Variants in CCR3 observed in about 807,000 individuals in gnomAD.
CCR3 encodes C-C motif chemokine receptor 3, also known as C-C chemokine receptor type 3.
For synonymous variants in CCR3, 203 were observed against 179.2 expected (o/e 1.13, Z -1.06); for missense variants, 419 against 437.5 (o/e 0.96, Z 0.38).
intron 1 of CCR3, among the ~76,000 whole-genome samples, chr3:46,254,320 C>T (rs576241811): frequency 9.0e-4 from 137 of 152,236 alleles, no homozygotes; most frequent in African/African-American, 3.0e-3. Context: ...AAAATAAAAT[C>T]AGATCAAAAT....
chr3:46,240,102 C>A (rs895372089), upstream of CCR3, among the ~76,000 whole-genome samples: 2 of 152,136 alleles, frequency 1.3e-5, no homozygotes, highest in Admixed American at 6.5e-5. Flanking sequence ...GTTGGCATGT[C>A]ATGTGATCTA....
At chr3:46,236,869 C>T (rs1463025483) in intron 2 of CCR3, among the ~76,000 whole-genome samples, 28 of 152,156 alleles carry the variant, frequency 1.8e-4, no homozygotes, top group Admixed American at 1.8e-3. Context: ...GGGTGTGAGG[C>T]CAGGGATCCT....
chr3:46,254,439 T>G (rs1559535871), intron 1 of CCR3, among the ~76,000 whole-genome samples: 1 of 122,958 alleles, frequency 8.1e-6, no homozygotes, highest in African/African-American at 3.6e-5. Context: ...GCATAGTTTA[T>G]AAAGCATAAA....
intron 2 of CCR3, among the ~76,000 whole-genome samples, chr3:46,237,202 T>C (rs1700034316): frequency 1.3e-5 from 2 of 152,240 alleles, no homozygotes; most frequent in South Asian, 4.1e-4. Flanking sequence ...CCCTTTGATA[T>C]ACTGATTTCC....
At chr3:46,235,348 G>C (rs751150947) in intron 2 of CCR3, among the ~76,000 whole-genome samples, 13 of 152,148 alleles carry the variant, frequency 8.5e-5, no homozygotes, top group Non-Finnish European at 1.9e-4. Flanking sequence ...GAGTACCAAG[G>C]CCTGCTACAT....
chr3:46,237,181 T>C (rs1039914804), intron 2 of CCR3, among the ~76,000 whole-genome samples: 3 of 152,224 alleles, frequency 2.0e-5, no homozygotes, highest in African/African-American at 7.2e-5. Context: ...GTAAACACGG[T>C]GGTGCAGTAT....
At chr3:46,226,410 G>C (rs1559526189) in intron 2 of CCR3, among the ~76,000 whole-genome samples, 1 of 152,162 alleles carries the variant, frequency 6.6e-6, no homozygotes, top group African/African-American at 2.4e-5. Flanking sequence ...CTTAGCTAGA[G>C]TTATACCTAA....
intron 2 of CCR3, among the ~76,000 whole-genome samples, chr3:46,211,383 A>C (rs1019111869): frequency 1.4e-5 from 2 of 145,534 alleles, no homozygotes; most frequent in Non-Finnish European, 3.0e-5. Flanking sequence ...AAATATGTAT[A>C]TATATATATA....
chr3:46,259,987 T>C (rs549601683), intron 1 of CCR3, among the ~76,000 whole-genome samples: 84 of 152,188 alleles, frequency 5.5e-4, no homozygotes, highest in South Asian at 2.1e-4. Context: ...TTCATATGGC[T>C]GGGGAGGCCT....
In CCR3 at chr3:46,218,967, G is replaced by A. The variant is rs527588384; in HGVS notation, c.-68+8060G>A. Among the ~76,000 whole-genome samples the A allele has an allele frequency of 2.0e-4, 31 of 152,232 alleles. 1 individual carries two copies. The Middle Eastern group carries it at 0.01, about 50-fold the overall frequency. ...ACTTCTATTCAGCATATTACTGGAA[G>A]TTCTAGCCAGAGCAGTCAGACAAGA... On this transcript the variant is annotated intron_variant, in intron 2 of 3. Coordinates refer to the CCR3 transcript ENST00000357422.
At chr3:46,241,612 T>G (rs1700086681), upstream of CCR3, among the ~76,000 whole-genome samples, 1 of 152,166 alleles carries the variant, frequency 6.6e-6, no homozygotes, top group Non-Finnish European at 1.5e-5. Context: ...GACTTAAATA[T>G]CATTATTTCC....
intron 2 of CCR3, among the ~76,000 whole-genome samples, chr3:46,236,106 T>C (rs2125925879): frequency 6.6e-6 from 1 of 152,292 alleles, no homozygotes; most frequent in East Asian, 1.9e-4. Flanking sequence ...ACTTGGGGAG[T>C]GGCTTGAGCC....
chr3:46,257,248 A>G (rs1700444632), intron 1 of CCR3, among the ~76,000 whole-genome samples: 1 of 152,072 alleles, frequency 6.6e-6, no homozygotes, highest in African/African-American at 2.4e-5. Flanking sequence ...CTGCACTTGT[A>G]TTTGGAGAGT....
intron 2 of CCR3, among the ~76,000 whole-genome samples, chr3:46,212,867 C>A (rs747050038): frequency 1.3e-5 from 2 of 152,154 alleles, no homozygotes; most frequent in African/African-American, 2.4e-5. Flanking sequence ...GACAGGAAGT[C>A]ATCAATGAAA....
chr3:46,264,209 G>C, intron 1 of CCR3: 2 of 555,682 alleles, frequency 3.6e-6, no homozygotes, highest in South Asian at 2.1e-5. Flanking sequence ...TTACCCCTTT[G>C]TGATGGAGAA....
chr3:46,234,516 T>G (rs1276959133), intron 2 of CCR3, among the ~76,000 whole-genome samples: 5 of 152,160 alleles, frequency 3.3e-5, no homozygotes, highest in Non-Finnish European at 7.3e-5. Flanking sequence ...CTACCAAGAA[T>G]TTATGTGGTT....
intron 2 of CCR3, among the ~76,000 whole-genome samples, chr3:46,215,652 C>G (rs553442295): frequency 3.3e-5 from 5 of 152,260 alleles, no homozygotes; most frequent in African/African-American, 9.6e-5. Flanking sequence ...GGATAGAAGT[C>G]TGTATAGGGT....
intron 2 of CCR3, among the ~76,000 whole-genome samples, chr3:46,211,778 G>A (rs939396994): frequency 6.6e-5 from 10 of 151,898 alleles, no homozygotes; most frequent in African/African-American, 1.7e-4. Context: ...TACAATACAC[G>A]TTGTCTTCCA....
At position 46,265,822 on chromosome 3, in the gene CCR3, A is replaced by T; in HGVS notation, c.664A>T (p.Ile222Phe). 6.2e-7 allele frequency: 1 copy of T among 1,614,056 alleles called. No individual in the cohort carries two copies. Residue 222 changes from isoleucine to phenylalanine, a missense_variant, in exon 2 of 2, where the codon ATC becomes TTC. By Grantham distance (21) the Ile-to-Phe change is conservative. Transcript: ENST00000395940. ...LLVMAICYTG[I>F]IKTLLRCPSK... Reference sequence around the variant, plus strand: ...CGTTATGGCCATCTGCTACACAGGAATCATCAAAACGCTGCTGAGGTGCCC... The same window carrying T: ...CGTTATGGCCATCTGCTACACAGGATTCATCAAAACGCTGCTGAGGTGCCC...
Sources: gnomAD v4.1 joint callset for allele counts (sites outside exome capture counted in the v4.1 genomes callset) on GRCh38, gnomAD v4.1.1 for gene constraint, MANE v1.5 for transcripts, NCBI Gene and HGNC (gene_info 2026-07-23, HGNC 2026-07-21) for gene names.